Variants in GRIA4 observed in about 807,000 individuals in gnomAD.
GRIA4 encodes the protein glutamate ionotropic receptor AMPA type subunit 4.
A neutral mutation model predicts 104.0 loss-of-function variants in GRIA4; 34 were observed. That is an observed-to-expected ratio of 0.33 (90% CI 0.25 to 0.44). The LOEUF is 0.44. Among genes scored for constraint, GRIA4 ranks in the 20% least tolerant of loss-of-function variants. The pLI, the probability that GRIA4 is intolerant of heterozygous loss-of-function variation, is 1.00. For synonymous variants in GRIA4, 386 were observed against 381.9 expected (o/e 1.01, Z -0.13); for missense variants, 750 against 1,096.5 (o/e 0.68, Z 4.46).
At chr11:105,916,152 C>A (rs1947398214) in intron 10 of GRIA4, among the ~76,000 whole-genome samples, 1 of 152,174 alleles carries the variant, frequency 6.6e-6, no homozygotes, top group Non-Finnish European at 1.5e-5. Context: ...CTACTACACT[C>A]CAGCCTGGGT....
At chr11:105,739,859 T>C (rs932228837) in intron 3 of GRIA4, among the ~76,000 whole-genome samples, 1 of 152,112 alleles carries the variant, frequency 6.6e-6, no homozygotes, top group African/African-American at 2.4e-5. Context: ...GAAAGATAAA[T>C]AGCAGCATTC....
At chr11:105,733,538 C>G (rs1938734173) in intron 3 of GRIA4, among the ~76,000 whole-genome samples, 1 of 152,100 alleles carries the variant, frequency 6.6e-6, no homozygotes, top group Admixed American at 6.5e-5. Flanking sequence ...CTCACGGCAA[C>G]CTCTGCCTCC....
intron 14 of GRIA4, among the ~76,000 whole-genome samples, chr11:105,951,097 C>T (rs1444511314): frequency 2.0e-5 from 3 of 152,104 alleles, no homozygotes; most frequent in African/African-American, 7.2e-5. Flanking sequence ...GATTCTAAGT[C>T]TTTAAAGCAA....
At chr11:105,944,177 C>G (rs1948250377) in intron 14 of GRIA4, among the ~76,000 whole-genome samples, 1 of 152,056 alleles carries the variant, frequency 6.6e-6, no homozygotes, top group Non-Finnish European at 1.5e-5. Flanking sequence ...TGTTTTTTCC[C>G]TGCACATTTT....
At chr11:105,758,331 G>C (rs998287292) in intron 4 of GRIA4, among the ~76,000 whole-genome samples, 2 of 152,180 alleles carry the variant, frequency 1.3e-5, no homozygotes, top group Middle Eastern at 3.4e-3. Flanking sequence ...CAAGGACTAA[G>C]GAAAGAGAAC....
At chr11:105,873,288 T>C (rs1945685035) in intron 5 of GRIA4, among the ~76,000 whole-genome samples, 1 of 152,216 alleles carries the variant, frequency 6.6e-6, no homozygotes, top group Non-Finnish European at 1.5e-5. Flanking sequence ...TTCCATGGTA[T>C]ATTTGTGCCA....
intron 3 of GRIA4, among the ~76,000 whole-genome samples, chr11:105,614,630 T>C (rs542524938): frequency 2.0e-5 from 3 of 152,130 alleles, no homozygotes; most frequent in African/African-American, 7.2e-5. Context: ...TCACATACAA[T>C]TGATTTTGCG....
rs193160246 is a variant in GRIA4, at chr11:105,959,039, A to C, written c.2295-12875A>C. 4.6e-5 allele frequency among the ~76,000 whole-genome samples: 7 copies of C among 152,212 alleles called. No individual in the cohort carries two copies. The East Asian group carries it at 1.4e-3, about 29-fold the overall frequency. On this transcript the variant is annotated intron_variant, in intron 14 of 16. Coordinates refer to ENST00000282499, the MANE Select transcript of GRIA4 (RefSeq NM_000829.4). ...CTGGCCTGCCTCTCTGGCTGCCCTG[A>C]ACAGTTTTCCCTTCATTTTGACCTT...
chr11:105,655,541 A>C (rs1951818486), intron 3 of GRIA4, among the ~76,000 whole-genome samples: 1 of 151,386 alleles, frequency 6.6e-6, no homozygotes, highest in African/African-American at 2.4e-5. Flanking sequence ...CCCTGTGTCC[A>C]TGTGTTCTCA....
Position 105,785,459 on chromosome 11 carries a change from A to T in GRIA4, c.487+32239A>T, listed in dbSNP as rs7107708. ...GTAAATAAATAGAACACCAGTTAAG[A>T]TTTATTTAGATGATTGCTATAAAGT... is the stretch of plus-strand genomic sequence containing the variant. On this transcript the variant is annotated intron_variant, in intron 4 of 16. Transcript: ENST00000282499. Among the ~76,000 whole-genome samples the T allele has an allele frequency of 9.5e-3, 1,447 of 152,294 alleles. 31 individuals carry two copies. The highest frequency in any genetic ancestry group is 0.033 in the African/African-American group (1,378 of 41,574).
At chr11:105,844,411 G>A (rs1944507441) in intron 4 of GRIA4, among the ~76,000 whole-genome samples, 1 of 152,210 alleles carries the variant, frequency 6.6e-6, no homozygotes, top group Non-Finnish European at 1.5e-5. Context: ...TTGAGACATA[G>A]TAAATTATGA....
intron 3 of GRIA4, among the ~76,000 whole-genome samples, chr11:105,740,214 T>C (rs1939220104): frequency 6.6e-6 from 1 of 152,204 alleles, no homozygotes; most frequent in Admixed American, 6.5e-5. Flanking sequence ...CAAAGAGTCA[T>C]TATACTTCTT....
intron 5 of GRIA4, among the ~76,000 whole-genome samples, chr11:105,881,725 A>G (rs1292438178): frequency 2.0e-5 from 3 of 151,252 alleles, no homozygotes; most frequent in African/African-American, 7.3e-5. Flanking sequence ...GCCCCTGCAT[A>G]CACACATACA....
intron 3 of GRIA4, among the ~76,000 whole-genome samples, chr11:105,629,078 CA>C (rs33935142): frequency 0.012 from 1,566 of 132,040 alleles, 31 homozygotes; most frequent in African/African-American, 0.042. Flanking sequence ...ACTTCTCCAC[CA>C]AAAAAAAAAA....
intron 3 of GRIA4, among the ~76,000 whole-genome samples, chr11:105,625,007 T>C (rs564336892): frequency 3.5e-4 from 53 of 152,246 alleles, no homozygotes; most frequent in African/African-American, 1.2e-3. Flanking sequence ...ACTGTGATTA[T>C]AAATTTAAAA....
In GRIA4 at chr11:105,955,316, C is replaced by G. The variant is rs540531404; in HGVS notation, c.2295-16598C>G. On this transcript the variant is annotated intron_variant, in intron 14 of 16. Transcript: ENST00000282499. ...GCCCTGGTGTGTGTTGTTCCCTTCT[C>G]TGTGTCCATGTGTCCTCAATGTTCA... Among the ~76,000 whole-genome samples, 6 of 152,144 alleles carry G rather than the reference C, an allele frequency of 3.9e-5. No individual in the cohort carries two copies. In the South Asian group the frequency reaches 1.2e-3, roughly 32 times the overall value.
At chr11:105,736,927 C>A (rs938338083) in intron 3 of GRIA4, among the ~76,000 whole-genome samples, 4 of 151,996 alleles carry the variant, frequency 2.6e-5, no homozygotes, top group Non-Finnish European at 1.5e-5. Context: ...GCACTTACTG[C>A]TTTCATCACA....
At chr11:105,732,502 T>A (rs188701608) in intron 3 of GRIA4, among the ~76,000 whole-genome samples, 113 of 152,252 alleles carry the variant, frequency 7.4e-4, no homozygotes, top group African/African-American at 2.6e-3. Context: ...CTGTGGGTGC[T>A]GCTAGAACTC....
At chr11:105,761,402 C>A (rs185191369) in intron 4 of GRIA4, among the ~76,000 whole-genome samples, 1 of 152,092 alleles carries the variant, frequency 6.6e-6, no homozygotes, top group African/African-American at 2.4e-5. Context: ...TGCCATTATG[C>A]ACTAAGTACT....
Sources: gnomAD v4.1 joint callset for allele counts (sites outside exome capture counted in the v4.1 genomes callset) on GRCh38, gnomAD v4.1.1 for gene constraint, MANE v1.5 for transcripts, NCBI Gene and HGNC (gene_info 2026-07-23, HGNC 2026-07-21) for gene names.